Variants in PLEKHA7 observed in about 807,000 individuals in gnomAD.
The protein encoded by PLEKHA7 is pleckstrin homology domain containing A7.
PLEKHA7 carries 104 observed loss-of-function variants against 170.0 expected under a neutral mutation model. The observed-to-expected ratio is 0.61, with a 90% CI of 0.52 to 0.72. The LOEUF (loss-of-function observed/expected upper bound fraction) is 0.72. Among genes scored for constraint, PLEKHA7 ranks in the 30% least tolerant of loss-of-function variants. The pLI is 0.00. For missense variants in PLEKHA7, 1,615 were observed against 1,671.7 expected (o/e 0.97, Z 0.59); for synonymous variants, 648 against 660.8 (o/e 0.98, Z 0.30).
chr11:16,917,698 G>C (rs1200757986), intron 3 of PLEKHA7, among the ~76,000 whole-genome samples: 1 of 152,080 alleles, frequency 6.6e-6, no homozygotes, highest in Non-Finnish European at 1.5e-5. Flanking sequence ...CATCATATCC[G>C]AAAGTCCCTT....
intron 3 of PLEKHA7, among the ~76,000 whole-genome samples, chr11:16,999,545 G>A (rs1864542465): frequency 6.6e-6 from 1 of 152,010 alleles, no homozygotes; most frequent in South Asian, 2.1e-4. Flanking sequence ...CCAGGAACCT[G>A]GCTTCCCAGG....
intron 4 of PLEKHA7, among the ~76,000 whole-genome samples, chr11:16,867,552 A>G (rs1437893603): frequency 6.6e-6 from 1 of 152,236 alleles, no homozygotes; most frequent in African/African-American, 2.4e-5. Flanking sequence ...CTCTAAGGGA[A>G]CAAAACAAGA....
In PLEKHA7 at chr11:16,794,590, G is replaced by A. The variant is rs1034484780; in HGVS notation, c.2643C>T (p.Leu881=). 1 of 1,613,382 alleles carries A rather than the reference G, an allele frequency of 6.2e-7. No homozygotes were observed. The highest frequency in any genetic ancestry group is 1.3e-5 in the African/African-American group (1 of 74,908). Residue 881 remains leucine (L), a synonymous_variant, in exon 19 of 27, where the codon CTC becomes CTT. Coordinates refer to ENST00000531066, the MANE Select transcript of PLEKHA7 (RefSeq NM_001329630.2). ...GCACGTAGGTTTGCAGCTGGGGGAA[G>A]AGTCGAACCTCCAGAGGGGTCCGCA... is the stretch of plus-strand genomic sequence containing the variant. ...SPVRTPLEVR[L]FPQLQTYVPY...
chr11:16,827,664 C>T (rs1850763306), intron 9 of PLEKHA7, among the ~76,000 whole-genome samples: 1 of 152,132 alleles, frequency 6.6e-6, no homozygotes, highest in Admixed American at 6.5e-5. Flanking sequence ...TAGTTGTCTG[C>T]ATCCTGATCA....
intron 3 of PLEKHA7, among the ~76,000 whole-genome samples, chr11:16,989,393 T>A (rs1863907801): frequency 6.6e-6 from 1 of 152,082 alleles, no homozygotes; most frequent in African/African-American, 2.4e-5. Flanking sequence ...ATGGAGAAAA[T>A]TTTTACCTCA....
intron 3 of PLEKHA7, among the ~76,000 whole-genome samples, chr11:16,935,173 G>A (rs1257878702): frequency 1.3e-5 from 2 of 152,218 alleles, no homozygotes; most frequent in Non-Finnish European, 2.9e-5. Context: ...GGTGGCTCAC[G>A]CCTGTAATCC....
At chr11:16,882,431 G>T (rs756182757) in intron 3 of PLEKHA7, among the ~76,000 whole-genome samples, 3 of 152,162 alleles carry the variant, frequency 2.0e-5, no homozygotes, top group African/African-American at 4.8e-5. Context: ...CATGCTTTCT[G>T]CAATTTTATG....
intron 7 of PLEKHA7, 50 bp downstream of exon 7, chr11:16,852,233 T>C: frequency 1.3e-6 from 2 of 1,525,138 alleles, no homozygotes; most frequent in Non-Finnish European, 9.1e-7. Flanking sequence ...ACCATCCACA[T>C]ATGTAAAACT....
At chr11:16,857,048 G>A (rs1319130411) in intron 4 of PLEKHA7, among the ~76,000 whole-genome samples, 1 of 152,212 alleles carries the variant, frequency 6.6e-6, no homozygotes, top group Non-Finnish European at 1.5e-5. Flanking sequence ...CCTTCACACA[G>A]ACACTTTTAG....
chr11:16,947,256 G>T (rs1227062603), intron 3 of PLEKHA7, among the ~76,000 whole-genome samples: 1 of 152,140 alleles, frequency 6.6e-6, no homozygotes, highest in Non-Finnish European at 1.5e-5. Flanking sequence ...ATGTAAATTC[G>T]TACAGCCATT....
chr11:16,968,044 T>A lies in PLEKHA7; in HGVS notation c.221+45945A>T, dbSNP rs182789039. Among the ~76,000 whole-genome samples, 6 of 152,096 alleles carry A rather than the reference T, an allele frequency of 3.9e-5. No homozygotes were observed. The South Asian group carries it at 1.2e-3, about 32-fold the overall frequency. ...GGAAAGAAGAAGGGAGAAGAATAGA[T>A]AGAACCCCACTTAGCCCAAGTCAAA... On this transcript the variant is annotated intron_variant, in intron 3 of 26. Coordinates refer to ENST00000531066, the MANE Select transcript of PLEKHA7 (RefSeq NM_001329630.2).
chr11:16,944,190 C>A lies in PLEKHA7; in HGVS notation c.221+69799G>T, dbSNP rs368324349. Among the ~76,000 whole-genome samples the A allele has an allele frequency of 3.9e-5, 6 of 152,192 alleles. No homozygotes were observed. In the South Asian group the frequency reaches 1.2e-3, roughly 32 times the overall value. ...CCAACATGGTGATACCCTGTCTCTACTAAAAATACAAAAGTTAGCCAGGTG... is the reference window on the plus strand; with the variant it reads ...CCAACATGGTGATACCCTGTCTCTAATAAAAATACAAAAGTTAGCCAGGTG... On this transcript the variant is annotated intron_variant, in intron 3 of 26. Coordinates refer to ENST00000531066, the MANE Select transcript of PLEKHA7 (RefSeq NM_001329630.2).
intron 3 of PLEKHA7, among the ~76,000 whole-genome samples, chr11:16,960,739 C>T (rs1034590719): frequency 6.6e-6 from 1 of 152,144 alleles, no homozygotes; most frequent in Admixed American, 6.5e-5. Flanking sequence ...AAATAACAAA[C>T]AACAACGACT....
At chr11:16,820,820 T>C (rs1287805348) in intron 10 of PLEKHA7, among the ~76,000 whole-genome samples, 1 of 152,088 alleles carries the variant, frequency 6.6e-6, no homozygotes, top group African/African-American at 2.4e-5. Flanking sequence ...GTACCCTCCA[T>C]TTACACATAG....
chr11:17,001,383 C>A (rs1000416452), intron 3 of PLEKHA7, among the ~76,000 whole-genome samples: 2 of 152,270 alleles, frequency 1.3e-5, no homozygotes, highest in African/African-American at 4.8e-5. Context: ...ATGGCCAACT[C>A]ATTCCATCTG....
chr11:16,866,539 C>T (rs1854411067), intron 4 of PLEKHA7, among the ~76,000 whole-genome samples: 1 of 151,840 alleles, frequency 6.6e-6, no homozygotes, highest in African/African-American at 2.4e-5. Flanking sequence ...TTGCAGTGAG[C>T]TGAGAGTGCA....
At chr11:16,804,019 T>C (rs1848779221) in intron 13 of PLEKHA7, among the ~76,000 whole-genome samples, 1 of 152,242 alleles carries the variant, frequency 6.6e-6, no homozygotes, top group Non-Finnish European at 1.5e-5. Flanking sequence ...CATCCCTCAC[T>C]TGACTCAAAG....
chr11:16,786,444 G>T (rs1350232801), intron 23 of PLEKHA7, 57 bp from the exon 24 acceptor site: 1 of 1,531,274 alleles, frequency 6.5e-7, no homozygotes, highest in Non-Finnish European at 8.7e-7. Flanking sequence ...AAAGAGCCCG[G>T]CTGGTCACCT....
At chr11:16,971,519 G>T (rs1224954266) in intron 3 of PLEKHA7, among the ~76,000 whole-genome samples, 1 of 152,198 alleles carries the variant, frequency 6.6e-6, no homozygotes, top group East Asian at 1.9e-4. Context: ...GTGCTGAACT[G>T]TATAGGATAC....
Sources: gnomAD v4.1 joint callset for allele counts (sites outside exome capture counted in the v4.1 genomes callset) on GRCh38, gnomAD v4.1.1 for gene constraint, MANE v1.5 for transcripts, NCBI Gene and HGNC (gene_info 2026-07-23, HGNC 2026-07-21) for gene names.